Variants in TCP11 observed in about 807,000 individuals in gnomAD.
The protein encoded by TCP11 is t-complex 11, also known as T-complex protein 11 homolog.
Under a neutral mutation model 45.0 loss-of-function variants are expected in TCP11, and 34 were observed. The observed-to-expected ratio is 0.76, with a 90% CI of 0.57 to 1.01. The LOEUF is 1.01. TCP11 is among the 50% of genes least tolerant of loss of function. The pLI is 0.00. For synonymous variants in TCP11, 227 were observed against 227.0 expected (o/e 1.00, Z 0.00); for missense variants, 523 against 598.1 (o/e 0.87, Z 1.31).
rs193006966 is a variant in TCP11, at chr6:35,133,476, C to A, written c.236+2631G>T. 7.0e-4 allele frequency among the ~76,000 whole-genome samples: 107 copies of A among 152,136 alleles called. No individual in the cohort carries two copies. The East Asian group carries it at 0.011, about 16-fold the overall frequency. On this transcript the variant is annotated intron_variant, in intron 3 of 9. Transcript: ENST00000311875. ...GGGATTACAGGCATGAGCCACTGTG[C>A]CTGACCAAGAACTGTTTTAAAATAT...
intron 3 of TCP11, among the ~76,000 whole-genome samples, chr6:35,134,055 C>T (rs1436231409): frequency 6.6e-6 from 1 of 151,952 alleles, no homozygotes; most frequent in Non-Finnish European, 1.5e-5. Flanking sequence ...TTTATCTGTG[C>T]CTGTTTAGTA....
At chr6:35,118,875 A>C (rs1017334319) in intron 9 of TCP11, among the ~76,000 whole-genome samples, 100 of 152,240 alleles carry the variant, frequency 6.6e-4, no homozygotes, top group African/African-American at 2.4e-3. Context: ...ATTCCCCACT[A>C]TAGGAACATG....
At chr6:35,139,052 G>T (rs184463387) in intron 2 of TCP11, among the ~76,000 whole-genome samples, 1 of 152,116 alleles carries the variant, frequency 6.6e-6, no homozygotes, top group Non-Finnish European at 1.5e-5. Flanking sequence ...GCTGGGCATG[G>T]TGGCACATGC....
chr6:35,119,644 G>A (rs559597056), intron 8 of TCP11, among the ~76,000 whole-genome samples: 1 of 152,344 alleles, frequency 6.6e-6, no homozygotes, highest in South Asian at 2.1e-4. Context: ...CAAGGTAAAT[G>A]ATAAAATCAA....
chr6:35,118,723 A>G (rs141832185), intron 9 of TCP11, among the ~76,000 whole-genome samples: 39 of 152,340 alleles, frequency 2.6e-4, no homozygotes, highest in African/African-American at 8.4e-4. Context: ...CAGATTATTC[A>G]AAAGATTGTT....
At chr6:35,129,755 T>C (rs189976785) in intron 3 of TCP11, among the ~76,000 whole-genome samples, 5 of 151,844 alleles carry the variant, frequency 3.3e-5, no homozygotes, top group African/African-American at 1.2e-4. Flanking sequence ...TTGAAAAAAA[T>C]ACAAGGAGCA....
At chr6:35,129,625 C>T (rs746815791) in intron 3 of TCP11, among the ~76,000 whole-genome samples, 1 of 152,316 alleles carries the variant, frequency 6.6e-6, no homozygotes, top group African/African-American at 2.4e-5. Flanking sequence ...TCCAAATCAG[C>T]GTATCTAAAA....
chr6:35,120,321 G>T lies in TCP11; in HGVS notation c.953C>A (p.Thr318Asn), dbSNP rs372979577. Residue 318 changes from threonine to asparagine, a missense_variant, in exon 8 of 10, where the codon ACC becomes AAC. Physicochemically the swap from Thr to Asn is moderately conservative, Grantham distance 65. Coordinates refer to ENST00000311875, the MANE Select transcript of TCP11 (RefSeq NM_001370687.1). This position sits in a 1 kb window ranked among gnomAD's most constrained non-coding sequence, Gnocchi z 4.9. ...CTGGGACTTCAGCTCCTGCAGCCGG[G>T]TTCTGTCCATCAGCAGGGTCTGGGA... ...EFPETLLMDR[T>N]RLQELKSQLH... 33 of 1,613,880 alleles carry T rather than the reference G, an allele frequency of 2.0e-5. No individual in the cohort carries two copies. Among genetic ancestry groups the T allele is most frequent in the Non-Finnish European group, 2.7e-5 (32 of 1,179,884 alleles).
Position 35,140,130 on chromosome 6 carries a change from A to C in TCP11, c.124+617T>G, listed in dbSNP as rs1781554798. ...AAAAACCAATCTAATTCAGCCGCAA[A>C]GCCTCAATCTAATTTTTCGCATTTC... On this transcript the variant is annotated intron_variant, in intron 2 of 9. Coordinates refer to ENST00000311875, the MANE Select transcript of TCP11 (RefSeq NM_001370687.1). The C allele has an allele frequency of 8.7e-6, 14 of 1,612,940 alleles. 1 individual carries two copies. In the South Asian group the frequency reaches 1.1e-4, roughly 13 times the overall value.
In TCP11 at chr6:35,120,467, G is replaced by A; in HGVS notation, c.895C>T (p.Leu299Phe). The A allele has an allele frequency of 3.1e-6, 5 of 1,603,490 alleles. No individual in the cohort carries two copies. Among genetic ancestry groups the A allele is most frequent in the Admixed American group, 1.7e-5 (1 of 58,148 alleles). The change falls in exon 7 of 10, where the codon CTC (leucine) becomes TTC (phenylalanine). Residue 299 changes from leucine to phenylalanine, a missense_variant. Leu to Phe is a conservative substitution (Grantham distance 22, BLOSUM62 0). Transcript: ENST00000311875. This position sits in a 1 kb window ranked among gnomAD's most constrained non-coding sequence, Gnocchi z 4.9. The stretch of plus-strand genomic sequence containing the variant: ...TCATTTTCAAGGTCCCAGAGAAGGA[G>A]GTTCAAGAAGCCCTGACACAGCACC... ...TMVLCQGFLN[L>F]LLWDLENEEF...
intron 3 of TCP11, among the ~76,000 whole-genome samples, chr6:35,135,078 C>G (rs1224898736): frequency 6.7e-6 from 1 of 150,002 alleles, no homozygotes; most frequent in Non-Finnish European, 1.5e-5. Flanking sequence ...ACCTGGGAGG[C>G]AGAGGTTGCA....
intron 3 of TCP11, among the ~76,000 whole-genome samples, chr6:35,134,880 G>A (rs1240718863): frequency 4.0e-5 from 6 of 151,898 alleles, no homozygotes; most frequent in Non-Finnish European, 8.8e-5. Flanking sequence ...GGCCGGGTAC[G>A]GTGGCTCACG....
chr6:35,123,623 T>C (rs1180577973), intron 4 of TCP11, among the ~76,000 whole-genome samples: 6 of 148,958 alleles, frequency 4.0e-5, no homozygotes, highest in African/African-American at 1.2e-4. Context: ...TACAGGCACA[T>C]GTCACCATGT....
At chr6:35,139,938 G>A in intron 2 of TCP11, 2 of 1,395,196 alleles carry the variant, frequency 1.4e-6, no homozygotes, top group Admixed American at 2.1e-5. Context: ...TTTACTGAGA[G>A]TTGTTTTATA....
intron 2 of TCP11, chr6:35,140,470 T>C (rs1581863435): frequency 8.6e-6 from 5 of 584,244 alleles, no homozygotes; most frequent in African/African-American, 5.5e-5. Flanking sequence ...CCCCTACATA[T>C]TCAAAATACA....
At chr6:35,141,173 C>A in intron 1 of TCP11, 32 bp downstream of exon 1, 1 of 1,360,594 alleles carries the variant, frequency 7.3e-7, no homozygotes, top group South Asian at 1.7e-5. Flanking sequence ...GAAACGCCGG[C>A]CCAGGCCCGC....
intron 4 of TCP11, chr6:35,128,795 A>C: frequency 3.0e-6 from 1 of 332,462 alleles, no homozygotes; most frequent in East Asian, 7.7e-5. Context: ...CTCAGCCCTA[A>C]GGGTATGATA....
intron 4 of TCP11, among the ~76,000 whole-genome samples, chr6:35,127,820 G>C (rs923029641): frequency 6.6e-6 from 1 of 152,162 alleles, no homozygotes; most frequent in Non-Finnish European, 1.5e-5. Flanking sequence ...GTTCTTTTCA[G>C]GAATTCAAAT....
rs543210195 is a variant in TCP11, at chr6:35,124,733, T to C, written c.358-2396A>G. ...TTTCAACAACAATGCCAAGAACCAATGGGGAAAGGACAGTCTTTTCAACAA... is the reference window on the plus strand; with the variant it reads ...TTTCAACAACAATGCCAAGAACCAACGGGGAAAGGACAGTCTTTTCAACAA... On this transcript the variant is annotated intron_variant, in intron 4 of 9. Coordinates refer to ENST00000311875, the MANE Select transcript of TCP11 (RefSeq NM_001370687.1). Among the ~76,000 whole-genome samples, 11 of 152,114 alleles carry C rather than the reference T, an allele frequency of 7.2e-5. No individual in the cohort carries two copies. In the South Asian group the frequency reaches 1.2e-3, roughly 17 times the overall value.
Sources: allele counts gnomAD v4.1 joint callset (sites outside exome capture counted in the v4.1 genomes callset), GRCh38; gene constraint gnomAD v4.1.1; non-coding constraint Gnocchi (gnomAD v3.1); transcripts MANE v1.5; gene names NCBI Gene and HGNC (gene_info 2026-07-23, HGNC 2026-07-21).